The following FRMD6 variants were observed in gnomAD, a reference collection of about 807,000 sequenced individuals.
FRMD6 encodes the protein FERM domain containing 6.
FRMD6 carries 37 observed loss-of-function variants against 73.2 expected under a neutral mutation model. That is an observed-to-expected ratio of 0.51 (90% CI 0.39 to 0.66). FRMD6 has a LOEUF of 0.66. FRMD6 is among the 30% of genes least tolerant of loss of function. FRMD6 has a pLI of 0.00. For synonymous variants in FRMD6, 273 were observed against 282.2 expected, an observed-to-expected ratio of 0.97 and a Z score of 0.33; for missense variants, 714 against 780.5, an observed-to-expected ratio of 0.91 and a Z score of 1.02.
At chr14:51,424,113 G>A in the FRMD6 span, among the ~76,000 whole-genome samples, 1 of 152,184 alleles carries the variant, frequency 6.6e-6, no homozygotes, top group Non-Finnish European at 1.5e-5. Flanking sequence ...CATTTTATTA[G>A]CAAGGTACAT....
chr14:51,563,626 T>C (rs897272759), intron 1 of FRMD6, among the ~76,000 whole-genome samples: 3 of 152,050 alleles, frequency 2.0e-5, no homozygotes, highest in African/African-American at 7.2e-5. Flanking sequence ...GCTGAGATCA[T>C]GCCACTGCAC....
chr14:51,717,909 G>A (rs1897322972), intron 10 of FRMD6, among the ~76,000 whole-genome samples: 1 of 152,180 alleles, frequency 6.6e-6, no homozygotes, highest in African/African-American at 2.4e-5. Context: ...AAATGTTAAA[G>A]CCTAACTTTA....
intron 2 of FRMD6, among the ~76,000 whole-genome samples, chr14:51,570,737 C>T (rs554325228): frequency 6.6e-6 from 1 of 152,184 alleles, no homozygotes; most frequent in Non-Finnish European, 1.5e-5. Flanking sequence ...GTTTCGTAGG[C>T]CAAAGGAATA....
intron 1 of FRMD6, among the ~76,000 whole-genome samples, chr14:51,677,070 A>G (rs1894439181): frequency 6.6e-6 from 1 of 151,938 alleles, no homozygotes; most frequent in African/African-American, 2.4e-5. Flanking sequence ...GTGTAGCTGT[A>G]GTTCATGATT....
chr14:51,537,099 T>C (rs1197797701), intron 1 of FRMD6, among the ~76,000 whole-genome samples: 1 of 152,234 alleles, frequency 6.6e-6, no homozygotes, highest in African/African-American at 2.4e-5. Flanking sequence ...TTTTGACAAA[T>C]GTACAATGAT....
At chr14:51,579,481 C>T (rs760153442) in intron 2 of FRMD6, among the ~76,000 whole-genome samples, 1 of 152,168 alleles carries the variant, frequency 6.6e-6, no homozygotes, top group Non-Finnish European at 1.5e-5. Flanking sequence ...TAATGCCTTG[C>T]ACTTACTTCT....
In FRMD6 at chr14:51,720,266, C is replaced by T. The variant is rs200768573; in HGVS notation, c.1236C>T (p.Tyr412=). 2 of 1,614,000 alleles carry T rather than the reference C, an allele frequency of 1.2e-6. No homozygotes were observed. The highest frequency in any genetic ancestry group is 8.5e-7 in the Non-Finnish European group (1 of 1,179,952). ...KPRDTGPEDS[Y]SSSAIHRKLK... ...GGGACACGGGGCCAGAAGACAGCTA[C>T]TCCAGCAGTGCCATCCACCGCAAGC... The change falls in exon 11 of 14, where the codon TAC becomes TAT. Residue 412 remains tyrosine, a synonymous_variant. Coordinates refer to ENST00000344768, the MANE Select transcript of FRMD6 (RefSeq NM_001267046.2).
chr14:51,552,597 A>T (rs1886902643), intron 1 of FRMD6, among the ~76,000 whole-genome samples: 1 of 152,222 alleles, frequency 6.6e-6, no homozygotes, highest in African/African-American at 2.4e-5. Flanking sequence ...CCACTACTGA[A>T]CTTTCATGTG....
At chr14:51,489,523 G>A (rs1431984818) in intron 1 of FRMD6, 1 of 152,370 alleles carries the variant, frequency 6.6e-6, no homozygotes, top group African/African-American at 2.4e-5. Flanking sequence ...ATCATCGAAG[G>A]GTTTAAATAA....
chr14:51,647,929 G>C (rs1892152432), upstream of FRMD6, among the ~76,000 whole-genome samples: 1 of 152,116 alleles, frequency 6.6e-6, no homozygotes, highest in Admixed American at 6.5e-5. Context: ...AGGTTCAAGC[G>C]ATTTTCCTGC....
intron 1 of FRMD6, among the ~76,000 whole-genome samples, chr14:51,555,724 C>T (rs1321305206): frequency 2.0e-5 from 3 of 150,858 alleles, no homozygotes; most frequent in Non-Finnish European, 2.9e-5. Flanking sequence ...ATCGCTTGAA[C>T]TTGGGAGGCA....
intron 2 of FRMD6, among the ~76,000 whole-genome samples, chr14:51,604,087 G>A (rs1448357127): frequency 2.0e-5 from 3 of 152,166 alleles, no homozygotes; most frequent in Non-Finnish European, 4.4e-5. Context: ...AAGAGCCACT[G>A]GCTTTGTCAT....
the FRMD6 span, among the ~76,000 whole-genome samples, chr14:51,456,107 G>A: frequency 1.8e-4 from 28 of 152,246 alleles, no homozygotes; most frequent in East Asian, 4.6e-3. Context: ...GTTTCTGGCT[G>A]AATCATCATC....
At chr14:51,446,047 G>C in the FRMD6 span, among the ~76,000 whole-genome samples, 4 of 152,186 alleles carry the variant, frequency 2.6e-5, no homozygotes, top group Non-Finnish European at 4.4e-5. Context: ...GACAGTGATG[G>C]AGTTAAGATT....
At chr14:51,527,943 G>A (rs1368966203) in intron 1 of FRMD6, among the ~76,000 whole-genome samples, 2 of 152,014 alleles carry the variant, frequency 1.3e-5, no homozygotes, top group East Asian at 3.9e-4. Context: ...GAGTTTGAGA[G>A]CAACCTGGGC....
chr14:51,661,038 A>G (rs1254588151), intron 1 of FRMD6, among the ~76,000 whole-genome samples: 2 of 152,134 alleles, frequency 1.3e-5, no homozygotes, highest in Non-Finnish European at 2.9e-5. Context: ...GCTTGTGTGG[A>G]CTGTATTCAG....
the FRMD6 span, among the ~76,000 whole-genome samples, chr14:51,452,976 G>A: frequency 0.11 from 16,128 of 152,126 alleles, 881 homozygotes; most frequent in South Asian, 0.14. Flanking sequence ...CAGGGAGAAC[G>A]GAATGTGACT....
chr14:51,619,357 G>T (rs886251268), intron 2 of FRMD6, among the ~76,000 whole-genome samples: 3 of 151,556 alleles, frequency 2.0e-5, no homozygotes, highest in East Asian at 3.9e-4. Flanking sequence ...GGGCTTTAAG[G>T]TATGCAAGAG....
At chr14:51,555,669 G>A (rs781740164) in intron 1 of FRMD6, among the ~76,000 whole-genome samples, 6 of 152,044 alleles carry the variant, frequency 3.9e-5, no homozygotes, top group Non-Finnish European at 8.8e-5. Context: ...GAGCATGGTG[G>A]CATATGTCTG....
Sources: gnomAD v4.1 joint callset for allele counts (sites outside exome capture counted in the v4.1 genomes callset) on GRCh38, gnomAD v4.1.1 for gene constraint, MANE v1.5 for transcripts, NCBI Gene and HGNC (gene_info 2026-07-23, HGNC 2026-07-21) for gene names.